The following TBC1D16 variants were observed in gnomAD, a reference collection of about 807,000 sequenced individuals.
TBC1D16 encodes the protein TBC1 domain family member 16.
In TBC1D16, 58 loss-of-function variants were observed where a neutral mutation model predicts 74.7. The observed-to-expected ratio is 0.78, with a 90% CI of 0.63 to 0.97. TBC1D16 has a LOEUF of 0.97. Ranked by LOEUF, TBC1D16 falls within the 50% of genes least tolerant of loss-of-function variation. TBC1D16 has a pLI of 0.00. For synonymous variants in TBC1D16, 493 were observed against 474.7 expected, an observed-to-expected ratio of 1.04 and a Z score of -0.50; for missense variants, 1,014 against 1,079.5, an observed-to-expected ratio of 0.94 and a Z score of 0.85.
Position 79,970,725 on chromosome 17 carries a change from G to A in TBC1D16, c.780-17907C>T, listed in dbSNP as rs370244908. ...ACGGCCACTCTAGAGAGGTGGACCT[G>A]GGGGTCCTCAGTGAAGCCTGCAGAA... On this transcript the variant is annotated intron_variant, in intron 3 of 11. Coordinates refer to ENST00000310924, the MANE Select transcript of TBC1D16 (RefSeq NM_019020.4). 2.9e-3 allele frequency among the ~76,000 whole-genome samples: 445 copies of A among 152,264 alleles called. 2 individuals carry two copies. Among genetic ancestry groups the A allele is most frequent in the South Asian group, 5.6e-3 (27 of 4,820 alleles).
chr17:80,027,517 C>T (rs571810173), intron 1 of TBC1D16, among the ~76,000 whole-genome samples: 1 of 151,934 alleles, frequency 6.6e-6, no homozygotes, highest in South Asian at 2.1e-4. Flanking sequence ...GAGGATCGCT[C>T]GACCCTGGGA....
rs1369823372 is a variant in TBC1D16 at position 79,986,488 on chromosome 17, T to G, written c.779+23672A>C. ...GGATTATTTTTGGAGGGCCCCTCCC[T>G]GCAGAGCAACCACGTGAGGACTCCC... On this transcript the variant is annotated intron_variant, in intron 3 of 11. Transcript: ENST00000310924. The surrounding 1 kb of genome is among the most constrained non-coding windows in gnomAD (Gnocchi z 6.0). Among the ~76,000 whole-genome samples, 1 of 152,154 alleles carries G rather than the reference T, an allele frequency of 6.6e-6. No homozygotes were observed. Among genetic ancestry groups the G allele is most frequent in the Non-Finnish European group, 1.5e-5 (1 of 68,002 alleles).
Position 79,980,053 on chromosome 17 carries a change from A to ACG in TBC1D16, c.780-27236_780-27235insCG, listed in dbSNP as rs2034515438. The stretch of plus-strand genomic sequence containing the variant: ...AGCCCATCCTTGCACCTGGAGGAGC[A>ACG]GCTCACCGTGCCGTGGAGGGTGGCC... On this transcript the variant is annotated intron_variant, in intron 3 of 11. Coordinates refer to ENST00000310924, the MANE Select transcript of TBC1D16 (RefSeq NM_019020.4). The surrounding 1 kb of genome is among the most constrained non-coding windows in gnomAD (Gnocchi z 7.0). 1.3e-5 allele frequency among the ~76,000 whole-genome samples: 2 copies of ACG among 152,078 alleles called. No individual in the cohort carries two copies. The highest frequency in any genetic ancestry group is 3.9e-4 in the East Asian group (2 of 5,158).
At position 79,950,121 on chromosome 17, in the gene TBC1D16, T is replaced by C. The variant is rs947800293; in HGVS notation, c.1258-256A>G. On this transcript the variant is annotated intron_variant, in intron 6 of 11. Transcript: ENST00000310924. The surrounding 1 kb of genome is among the most constrained non-coding windows in gnomAD (Gnocchi z 4.6). Reference sequence around the variant, plus strand: ...CGTTCTCACGTCATGGCCTAATCCCTGGTTTTGGAAATGCTGCATTTCACT... The same window carrying C: ...CGTTCTCACGTCATGGCCTAATCCCCGGTTTTGGAAATGCTGCATTTCACT... 2.0e-5 allele frequency among the ~76,000 whole-genome samples: 3 copies of C among 152,182 alleles called. No homozygotes were observed. The highest frequency in any genetic ancestry group is 2.9e-5 in the Non-Finnish European group (2 of 68,028).
At chr17:79,955,812 C>T (rs1399916409) in intron 3 of TBC1D16, among the ~76,000 whole-genome samples, 1 of 152,194 alleles carries the variant, frequency 6.6e-6, no homozygotes, top group African/African-American at 2.4e-5. Context: ...CAAACACAAA[C>T]ACTGGGTTCT....
At chr17:79,945,423 T>C (rs2032443979) in intron 9 of TBC1D16, among the ~76,000 whole-genome samples, 1 of 152,194 alleles carries the variant, frequency 6.6e-6, no homozygotes, top group African/African-American at 2.4e-5. Flanking sequence ...ACTTGGGGGC[T>C]GTTTCCCACG....
Position 79,956,417 on chromosome 17 carries a change from C to A in TBC1D16, c.780-3599G>T, listed in dbSNP as rs1371050948. Among the ~76,000 whole-genome samples, 6 of 152,170 alleles carry A rather than the reference C, an allele frequency of 3.9e-5. No homozygotes were observed. The highest frequency in any genetic ancestry group is 8.8e-5 in the Non-Finnish European group (6 of 68,014). ...TACAGGCACTCACCACCACATTTGG[C>A]TAATTTTTGTATTTTTTATAGAGAT... On this transcript the variant is annotated intron_variant, in intron 3 of 11. Transcript: ENST00000310924. The surrounding 1 kb of genome is among the most constrained non-coding windows in gnomAD (Gnocchi z 4.0).
chr17:79,950,489 G>A lies in TBC1D16; in HGVS notation c.1179C>T (p.Tyr393=). Residue 393 remains tyrosine, a synonymous_variant, in exon 6 of 12, where the codon TAC becomes TAT. Coordinates refer to ENST00000310924, the MANE Select transcript of TBC1D16 (RefSeq NM_019020.4). This position sits in a 1 kb window ranked among gnomAD's most constrained non-coding sequence, Gnocchi z 4.6. The part of the protein sequence containing the change: ...SSETHPEESM[Y]KRLGVSAWLN... ...GCCAGGCGGAGACGCCGAGCCTCTT[G>A]TACATGCTCTCCTCGGGGTGCGTCT... 1 of 1,613,292 alleles carries A rather than the reference G, an allele frequency of 6.2e-7. No individual in the cohort carries two copies. The highest frequency in any genetic ancestry group is 8.5e-7 in the Non-Finnish European group (1 of 1,179,896).
rs1359323226 is a variant in TBC1D16 at position 79,938,285 on chromosome 17, G to C, written c.*2574C>G. On this transcript the variant is annotated 3_prime_UTR_variant, in exon 12 of 12. Transcript: ENST00000310924. ...TTCCGAGGTCCTGGCTGGTCCGAGAGGTGCAGACCTCACTGGGGTCCGGGC... is the reference window on the plus strand; with the variant it reads ...TTCCGAGGTCCTGGCTGGTCCGAGACGTGCAGACCTCACTGGGGTCCGGGC... 1 of 152,274 alleles carries C rather than the reference G, an allele frequency of 6.6e-6. No homozygotes were observed. Among genetic ancestry groups the C allele is most frequent in the Non-Finnish European group, 1.5e-5 (1 of 68,084 alleles). The allele number at this position is 152,274 out of a possible 1,614,324, so 9.4% of individuals were successfully genotyped here.
intron 7 of TBC1D16, 93 bp from the exon 8 acceptor site, chr17:79,949,099 A>C (rs1598330467): frequency 1.3e-6 from 2 of 1,541,412 alleles, no homozygotes; most frequent in East Asian, 2.3e-5. Flanking sequence ...CTTCCTCCCA[A>C]CCCCCGTTCC....
chr17:79,937,479 G>C lies in TBC1D16; in HGVS notation c.*3380C>G, dbSNP rs921508562. The C allele has an allele frequency of 6.6e-6, 1 of 152,272 alleles. No homozygotes were observed. The highest frequency in any genetic ancestry group is 1.5e-5 in the Non-Finnish European group (1 of 68,088). 9.4% of individuals were successfully genotyped at this position (152,272 alleles called of 1,614,324 possible). On this transcript the variant is annotated 3_prime_UTR_variant, in exon 12 of 12. Transcript: ENST00000310924. ...GAGGGTGGAGGTCCTCTCCCTCCTGGACATGGAAACCTCCCCCTGCCTGGC... is the reference window on the plus strand; with the variant it reads ...GAGGGTGGAGGTCCTCTCCCTCCTGCACATGGAAACCTCCCCCTGCCTGGC...
rs2033367178 is a variant in TBC1D16 at position 79,956,977 on chromosome 17, A to C, written c.780-4159T>G. Among the ~76,000 whole-genome samples the C allele has an allele frequency of 6.6e-6, 1 of 152,156 alleles. No individual in the cohort carries two copies. Among genetic ancestry groups the C allele is most frequent in the Admixed American group, 6.5e-5 (1 of 15,278 alleles). On this transcript the variant is annotated intron_variant, in intron 3 of 11. Coordinates refer to ENST00000310924, the MANE Select transcript of TBC1D16 (RefSeq NM_019020.4). This position sits in a 1 kb window ranked among gnomAD's most constrained non-coding sequence, Gnocchi z 4.0. ...CTGGGTCCAGGACTCTTGCCTAGAT[A>C]GAAACTGGCACTGGCCCTCCAGGGG...
chr17:80,029,114 T>A (rs996451450), intron 1 of TBC1D16, among the ~76,000 whole-genome samples: 1 of 152,160 alleles, frequency 6.6e-6, no homozygotes, highest in African/African-American at 2.4e-5. Context: ...TGCAACTCTT[T>A]AAGAATTAGA....
At position 79,948,999 on chromosome 17, in the gene TBC1D16, T is replaced by C. The variant is rs763365789; in HGVS notation, c.1414A>G (p.Met472Val). 1.9e-6 allele frequency: 3 copies of C among 1,614,068 alleles called. No homozygotes were observed. The highest frequency in any genetic ancestry group is 1.3e-5 in the African/African-American group (1 of 75,048). Residue 472 changes from methionine (M) to valine (V), a missense_variant, in exon 8 of 12, where the codon ATG becomes GTG. Transcript: ENST00000310924. ...AACGCTCTGTGCTCCTCGGGAGTCA[T>C]GGAGAGCCTGTGTGGAGCCGAGCAC... ...YSEIQQKRLS[M>V]TPEEHRAFWR...
intron 3 of TBC1D16, among the ~76,000 whole-genome samples, chr17:79,976,326 G>A (rs1389766421): frequency 1.3e-5 from 2 of 152,200 alleles, no homozygotes; most frequent in Admixed American, 6.5e-5. Context: ...CCTCTGTTAT[G>A]TTTTAACCAT....
At position 79,994,383 on chromosome 17, in the gene TBC1D16, T is replaced by C. The variant is rs934147824; in HGVS notation, c.779+15777A>G. 6.6e-6 allele frequency among the ~76,000 whole-genome samples: 1 copy of C among 152,098 alleles called. No individual in the cohort carries two copies. Among genetic ancestry groups the C allele is most frequent in the African/African-American group, 2.4e-5 (1 of 41,400 alleles). ...CAAGGACAAAGGAAGAGGGAGTCCA[T>C]GAAGAAGGGCTGGCCAGAGAATATT... is the stretch of plus-strand genomic sequence containing the variant. On this transcript the variant is annotated intron_variant, in intron 3 of 11. Coordinates refer to ENST00000310924, the MANE Select transcript of TBC1D16 (RefSeq NM_019020.4). The surrounding 1 kb of genome is among the most constrained non-coding windows in gnomAD (Gnocchi z 4.6).
In TBC1D16 at chr17:80,035,718, C is replaced by T. The variant is rs1444349226; in HGVS notation, c.-63+77G>A. ...CCCGCGCGCCCCCGCCCCAGCTCCGCCGAGGGGGCGCTGCTCGCTGCGCGG... is the reference window on the plus strand; with the variant it reads ...CCCGCGCGCCCCCGCCCCAGCTCCGTCGAGGGGGCGCTGCTCGCTGCGCGG... On this transcript the variant is annotated intron_variant, in intron 1 of 11. Coordinates refer to ENST00000310924, the MANE Select transcript of TBC1D16 (RefSeq NM_019020.4). The surrounding 1 kb of genome is among the most constrained non-coding windows in gnomAD (Gnocchi z 5.3). 1 of 147,702 alleles carries T rather than the reference C, an allele frequency of 6.8e-6. No individual in the cohort carries two copies. Among genetic ancestry groups the T allele is most frequent in the Non-Finnish European group, 1.5e-5 (1 of 66,292 alleles). The allele number at this position is 147,702 out of a possible 1,614,324, so 9.1% of individuals were successfully genotyped here.
At chr17:79,942,307 C>A (rs572100306) in intron 10 of TBC1D16, 101 bp from the exon 11 acceptor site, 8 of 1,319,708 alleles carry the variant, frequency 6.1e-6, no homozygotes, top group Middle Eastern at 2.0e-4. Flanking sequence ...GGCTCCAGGG[C>A]GAGGGGTCTG....
chr17:79,942,027 G>C (rs1568565586), intron 11 of TBC1D16, 33 bp downstream of exon 11: 2 of 1,553,992 alleles, frequency 1.3e-6, no homozygotes, highest in Admixed American at 3.6e-5. Flanking sequence ...TGGGGGCGGG[G>C]CGGGGTGGGG....
Sources: gnomAD v4.1 joint callset for allele counts (sites outside exome capture counted in the v4.1 genomes callset) on GRCh38, gnomAD v4.1.1 for gene constraint, Gnocchi (gnomAD v3.1) non-coding constraint, MANE v1.5 for transcripts, NCBI Gene and HGNC (gene_info 2026-07-23, HGNC 2026-07-21) for gene names.